The following GPR39 variants were observed in gnomAD, a reference collection of about 807,000 sequenced individuals.
GPR39 encodes G protein-coupled receptor 39.
In GPR39, 23 loss-of-function variants were observed where a neutral mutation model predicts 18.4. The ratio of observed to expected loss-of-function variants is 1.25; its 90% confidence interval spans 0.90 to 1.77. The LOEUF (loss-of-function observed/expected upper bound fraction) is 1.77. Ranked by LOEUF, GPR39 falls within the 40% of genes most tolerant of loss-of-function variation. GPR39 has a pLI of 0.00. For synonymous variants in GPR39, 280 were observed against 257.9 expected, an observed-to-expected ratio of 1.09 and a Z score of -0.82; for missense variants, 647 against 602.4, an observed-to-expected ratio of 1.07 and a Z score of -0.78.
intron 1 of GPR39, among the ~76,000 whole-genome samples, chr2:132,591,163 A>G (rs1274313150): frequency 6.8e-6 from 1 of 147,202 alleles, no homozygotes; most frequent in Non-Finnish European, 1.5e-5. Flanking sequence ...AGGCAGGAGA[A>G]TGGCGTGAAC....
At chr2:132,427,322 C>A (rs1680143777) in intron 1 of GPR39, among the ~76,000 whole-genome samples, 1 of 145,090 alleles carries the variant, frequency 6.9e-6, no homozygotes, top group Admixed American at 7.0e-5. Context: ...TGCCACCACA[C>A]CTGGCTAATA....
intron 1 of GPR39, among the ~76,000 whole-genome samples, chr2:132,635,646 G>A (rs1681739793): frequency 6.6e-6 from 1 of 152,016 alleles, no homozygotes; most frequent in South Asian, 2.1e-4. Context: ...GGGGGAGGGG[G>A]CCTAGCAGGT....
intron 1 of GPR39, among the ~76,000 whole-genome samples, chr2:132,428,872 A>T (rs896552637): frequency 6.6e-6 from 1 of 152,254 alleles, no homozygotes; most frequent in African/African-American, 2.4e-5. Flanking sequence ...AAAGAAACTT[A>T]AATCTGGCTC....
At chr2:132,510,178 A>G (rs1246741447) in intron 1 of GPR39, among the ~76,000 whole-genome samples, 1 of 152,194 alleles carries the variant, frequency 6.6e-6, no homozygotes, top group African/African-American at 2.4e-5. Context: ...CAAGTTAAGC[A>G]CTGGGATGGT....
chr2:132,424,416 C>A (rs1680074746), intron 1 of GPR39, among the ~76,000 whole-genome samples: 1 of 152,182 alleles, frequency 6.6e-6, no homozygotes, highest in Admixed American at 6.5e-5. Context: ...ACACTTATCA[C>A]CCCAGGGTAG....
intron 1 of GPR39, among the ~76,000 whole-genome samples, chr2:132,623,831 C>A (rs919594324): frequency 1.3e-5 from 2 of 152,128 alleles, no homozygotes; most frequent in African/African-American, 4.8e-5. Flanking sequence ...TGGCTCACTC[C>A]TTTTTAGTTC....
At chr2:132,501,628 T>A (rs1276983001) in intron 1 of GPR39, among the ~76,000 whole-genome samples, 1 of 152,180 alleles carries the variant, frequency 6.6e-6, no homozygotes, top group Non-Finnish European at 1.5e-5. Context: ...GTCCATTGTT[T>A]AAGTCCATTG....
intron 1 of GPR39, among the ~76,000 whole-genome samples, chr2:132,492,838 C>A (rs1322949305): frequency 7.2e-6 from 1 of 138,868 alleles, no homozygotes; most frequent in African/African-American, 2.7e-5. Flanking sequence ...CATATACACA[C>A]CATATATACA....
At chr2:132,449,307 G>T (rs1248624969) in intron 1 of GPR39, among the ~76,000 whole-genome samples, 1 of 152,116 alleles carries the variant, frequency 6.6e-6, no homozygotes, top group Non-Finnish European at 1.5e-5. Flanking sequence ...GAGTACAATG[G>T]CGCGATCTTG....
intron 1 of GPR39, among the ~76,000 whole-genome samples, chr2:132,539,305 C>T (rs535791967): frequency 3.9e-5 from 6 of 152,118 alleles, no homozygotes; most frequent in African/African-American, 7.2e-5. Flanking sequence ...GGGAGGTCAC[C>T]GGGCTCCTTG....
At chr2:132,546,839 C>CAAAAAAAAAAAAAAA (rs60267293) in intron 1 of GPR39, among the ~76,000 whole-genome samples, 387 of 33,964 alleles carry the variant, frequency 0.011, 34 homozygotes, top group East Asian at 0.028. Flanking sequence ...AGCTCCACAG[C>CAAAAAAAAAAAAAAA]AAAAAAAAAA....
At chr2:132,624,919 AC>A (rs1385491983) in intron 1 of GPR39, among the ~76,000 whole-genome samples, 5 of 152,042 alleles carry the variant, frequency 3.3e-5, no homozygotes, top group Non-Finnish European at 2.9e-5. Flanking sequence ...GACATATTTT[AC>A]CCTTTTCTCT....
intron 1 of GPR39, among the ~76,000 whole-genome samples, chr2:132,533,102 G>A (rs1299212038): frequency 1.9e-4 from 29 of 152,252 alleles, no homozygotes; most frequent in Middle Eastern, 3.4e-3. Context: ...AAACCCCATC[G>A]TCTCAGCCCA....
At chr2:132,463,824 G>A (rs1409099791) in intron 1 of GPR39, among the ~76,000 whole-genome samples, 28 of 152,158 alleles carry the variant, frequency 1.8e-4, no homozygotes, top group Admixed American at 1.6e-3. Context: ...GGGCTCACTC[G>A]TTCAACCACG....
chr2:132,625,968 T>C (rs1467918343), intron 1 of GPR39, among the ~76,000 whole-genome samples: 3 of 151,454 alleles, frequency 2.0e-5, no homozygotes, highest in Non-Finnish European at 4.4e-5. Context: ...GGCGTGGTGG[T>C]GGGTGCCTAT....
intron 1 of GPR39, among the ~76,000 whole-genome samples, chr2:132,596,082 T>C (rs956053222): frequency 3.3e-5 from 5 of 152,114 alleles, no homozygotes; most frequent in African/African-American, 9.7e-5. Flanking sequence ...CCCAGCACAG[T>C]GCAGGGAAGA....
At chr2:132,554,474 G>A (rs1680108102) in intron 1 of GPR39, among the ~76,000 whole-genome samples, 1 of 152,174 alleles carries the variant, frequency 6.6e-6, no homozygotes, top group South Asian at 2.1e-4. Context: ...TTGTGGTAAG[G>A]AATGAATGAG....
At chr2:132,494,094 A>C (rs1681592023) in intron 1 of GPR39, among the ~76,000 whole-genome samples, 1 of 152,094 alleles carries the variant, frequency 6.6e-6, no homozygotes, top group African/African-American at 2.4e-5. Flanking sequence ...GGGAGTAGGG[A>C]AAGCATGTAT....
At chr2:132,473,401 C>T (rs1681068354) in intron 1 of GPR39, among the ~76,000 whole-genome samples, 1 of 152,110 alleles carries the variant, frequency 6.6e-6, no homozygotes, top group Non-Finnish European at 1.5e-5. Flanking sequence ...ATAATGGACC[C>T]ATGTGATGTT....
Sources: gnomAD v4.1 joint callset for allele counts (sites outside exome capture counted in the v4.1 genomes callset) on GRCh38, gnomAD v4.1.1 for gene constraint, MANE v1.5 for transcripts, NCBI Gene and HGNC (gene_info 2026-07-23, HGNC 2026-07-21) for gene names.